Variants in CAMK4 observed in about 807,000 individuals in gnomAD.
The protein encoded by CAMK4 is calcium/calmodulin dependent protein kinase IV, also known as calcium/calmodulin-dependent protein kinase type IV.
In CAMK4, 22 loss-of-function variants were observed where a neutral mutation model predicts 44.9. The observed-to-expected ratio is 0.49, with a 90% CI of 0.35 to 0.70. The LOEUF is 0.70. Among genes scored for constraint, CAMK4 ranks in the 30% least tolerant of loss-of-function variants. The pLI, the probability that CAMK4 is intolerant of heterozygous loss-of-function variation, is 0.01. For synonymous variants in CAMK4, 218 were observed against 215.4 expected (o/e 1.01, Z -0.11); for missense variants, 498 against 586.8 (o/e 0.85, Z 1.56).
chr5:111,337,560 T>C (rs1365592639), intron 1 of CAMK4, among the ~76,000 whole-genome samples: 2 of 150,332 alleles, frequency 1.3e-5, no homozygotes, highest in Non-Finnish European at 3.0e-5. Context: ...ACAATAAAAA[T>C]ATAAAGACAC....
chr5:111,420,291 T>A (rs886372315), intron 5 of CAMK4, among the ~76,000 whole-genome samples: 1 of 152,204 alleles, frequency 6.6e-6, no homozygotes, highest in Non-Finnish European at 1.5e-5. Flanking sequence ...ATTGATTTTG[T>A]ATCCTGAGAC....
At chr5:111,340,478 T>C (rs1177864281) in intron 1 of CAMK4, among the ~76,000 whole-genome samples, 1 of 151,456 alleles carries the variant, frequency 6.6e-6, no homozygotes, top group African/African-American at 2.4e-5. Flanking sequence ...GAGATGATCA[T>C]GTGATTTGTC....
At chr5:111,295,622 A>C (rs545339112) in intron 1 of CAMK4, among the ~76,000 whole-genome samples, 2 of 152,368 alleles carry the variant, frequency 1.3e-5, no homozygotes, top group East Asian at 3.9e-4. Context: ...ATTATGGCTC[A>C]TGGAACACAT....
intron 1 of CAMK4, among the ~76,000 whole-genome samples, chr5:111,292,474 A>C (rs559578612): frequency 1.3e-5 from 2 of 152,284 alleles, no homozygotes; most frequent in South Asian, 4.1e-4. Flanking sequence ...GTGTATATAA[A>C]TGAGGACACA....
chr5:111,229,907 A>G (rs1202470370), intron 1 of CAMK4, among the ~76,000 whole-genome samples: 1 of 152,188 alleles, frequency 6.6e-6, no homozygotes, highest in Admixed American at 6.5e-5. Context: ...AGCTTCCAGA[A>G]GGCAGAGTCT....
rs192375212 is a variant in CAMK4 at position 111,298,708 on chromosome 5, C to T, written c.162-45316C>T. Among the ~76,000 whole-genome samples the T allele has an allele frequency of 3.9e-3, 590 of 152,318 alleles. 3 individuals carry two copies. Among genetic ancestry groups the T allele is most frequent in the South Asian group, 0.014 (68 of 4,830 alleles). ...TACTGCTCTTGCAGAGCACACCGCT[C>T]GGGCTCTGAATTACACCTGCATGGC... On this transcript the variant is annotated intron_variant, in intron 1 of 10. Transcript: ENST00000282356.
At chr5:111,375,012 C>T in intron 3 of CAMK4, 100 bp downstream of exon 3, 2 of 767,656 alleles carry the variant, frequency 2.6e-6, no homozygotes, top group East Asian at 2.5e-5. Flanking sequence ...GGGATTCTCC[C>T]ACCACTGATA....
chr5:111,398,405 T>C (rs542240263), intron 5 of CAMK4, among the ~76,000 whole-genome samples: 7 of 152,276 alleles, frequency 4.6e-5, no homozygotes, highest in Admixed American at 2.6e-4. Flanking sequence ...CAATAGTTTC[T>C]TTTGAACTAG....
chr5:111,423,546 T>C (rs1366070883), intron 5 of CAMK4, among the ~76,000 whole-genome samples: 1 of 152,246 alleles, frequency 6.6e-6, no homozygotes, highest in Non-Finnish European at 1.5e-5. Flanking sequence ...CAGAACCTTC[T>C]ACCTCTTGCC....
intron 5 of CAMK4, among the ~76,000 whole-genome samples, chr5:111,437,555 G>A (rs1753689363): frequency 6.6e-6 from 1 of 152,150 alleles, no homozygotes; most frequent in Non-Finnish European, 1.5e-5. Flanking sequence ...AAGAAAAATA[G>A]GCAGCATCAA....
At chr5:111,435,520 C>G (rs1753614294) in intron 5 of CAMK4, among the ~76,000 whole-genome samples, 1 of 152,108 alleles carries the variant, frequency 6.6e-6, no homozygotes, top group Non-Finnish European at 1.5e-5. Context: ...TCAGTCCTGC[C>G]CAATCAGCTT....
intron 4 of CAMK4, among the ~76,000 whole-genome samples, chr5:111,380,351 T>A (rs1039139986): frequency 2.0e-5 from 3 of 152,142 alleles, no homozygotes; most frequent in African/African-American, 7.2e-5. Context: ...CCTAAAGAAT[T>A]TTATTTTTAT....
intron 1 of CAMK4, among the ~76,000 whole-genome samples, chr5:111,298,509 C>T (rs907407892): frequency 2.0e-5 from 3 of 152,148 alleles, no homozygotes; most frequent in Non-Finnish European, 2.9e-5. Context: ...TGTCAGTGGA[C>T]GTAGAGTGGA....
chr5:111,271,554 G>A (rs1272012656), intron 1 of CAMK4, among the ~76,000 whole-genome samples: 3 of 152,210 alleles, frequency 2.0e-5, no homozygotes, highest in African/African-American at 7.2e-5. Context: ...CTAGTGGGAG[G>A]AGATGGGAGC....
chr5:111,462,446 A>AATT (rs1754676689), intron 7 of CAMK4, among the ~76,000 whole-genome samples: 1 of 152,202 alleles, frequency 6.6e-6, no homozygotes, highest in East Asian at 1.9e-4. Context: ...CTCCAAGTAT[A>AATT]GTTGGCCCAT....
At chr5:111,324,224 A>G (rs1465524031) in intron 1 of CAMK4, among the ~76,000 whole-genome samples, 1 of 151,982 alleles carries the variant, frequency 6.6e-6, no homozygotes, top group Non-Finnish European at 1.5e-5. Context: ...ACAAATAATA[A>G]TAAATATAAA....
intron 5 of CAMK4, among the ~76,000 whole-genome samples, chr5:111,397,942 T>C (rs17133238): frequency 0.3 from 45,138 of 151,986 alleles, 8,133 homozygotes; most frequent in Non-Finnish European, 0.4. Flanking sequence ...TTCAAAATAA[T>C]TGTTCTGAGT....
chr5:111,494,394 T>TAA lies in CAMK4; in HGVS notation c.*9929_*9930dup, dbSNP rs1208141965. The stretch of plus-strand genomic sequence containing the variant: ...TTACAATATTTTTAGGTAAATGTAT[T>TAA]AAGTCTGGCCTGGGCATAAATGTAC... On this transcript the variant is annotated 3_prime_UTR_variant, in exon 11 of 11. Transcript: ENST00000282356. 1 of 152,192 alleles carries TAA rather than the reference T, an allele frequency of 6.6e-6. No individual in the cohort carries two copies. The allele number at this position is 152,192 out of a possible 1,614,324, so 9.4% of individuals were successfully genotyped here.
At chr5:111,420,018 A>G (rs947412417) in intron 5 of CAMK4, among the ~76,000 whole-genome samples, 13 of 152,014 alleles carry the variant, frequency 8.6e-5, no homozygotes, top group East Asian at 1.9e-4. Context: ...CATTGAATCT[A>G]TAAATTACCT....
Sources: gnomAD v4.1 joint callset for allele counts (sites outside exome capture counted in the v4.1 genomes callset) on GRCh38, gnomAD v4.1.1 for gene constraint, MANE v1.5 for transcripts, NCBI Gene and HGNC (gene_info 2026-07-23, HGNC 2026-07-21) for gene names.